The following EPHA5 variants were observed in gnomAD, a reference collection of about 807,000 sequenced individuals.
The protein encoded by EPHA5 is EPH receptor A5.
A neutral mutation model predicts 105.0 loss-of-function variants in EPHA5; 60 were observed. The ratio of observed to expected loss-of-function variants is 0.57; its 90% CI spans 0.46 to 0.71. The LOEUF (loss-of-function observed/expected upper bound fraction) is 0.71. Ranked by LOEUF, EPHA5 falls within the 30% of genes least tolerant of loss-of-function variation. EPHA5 has a pLI of 0.00. For synonymous variants in EPHA5, 513 were observed against 449.1 expected (o/e 1.14, Z -1.80); for missense variants, 1,218 against 1,274.7 (o/e 0.96, Z 0.68).
chr4:65,420,379 T>C (rs1193620633), intron 6 of EPHA5, 62 bp downstream of exon 6: 21 of 1,464,404 alleles, frequency 1.4e-5, no homozygotes, highest in East Asian at 9.4e-5. Context: ...AGTTGGATAA[T>C]TGTAGTTGCT....
At chr4:65,378,252 G>A (rs57078453) in intron 8 of EPHA5, among the ~76,000 whole-genome samples, 2,386 of 151,866 alleles carry the variant, frequency 0.016, 63 homozygotes, top group African/African-American at 0.055. Context: ...AAATTGCTAC[G>A]TAACATTTAT....
chr4:65,605,795 T>C (rs77229009), intron 2 of EPHA5, among the ~76,000 whole-genome samples: 3,312 of 152,210 alleles, frequency 0.022, 132 homozygotes, highest in African/African-American at 0.076. Context: ...CCAGCTCTTA[T>C]AATATCTAGA....
chr4:65,411,680 T>C (rs539674822), intron 7 of EPHA5, among the ~76,000 whole-genome samples: 10 of 152,220 alleles, frequency 6.6e-5, no homozygotes, highest in Admixed American at 6.5e-5. Flanking sequence ...AATTAAAATA[T>C]GGTATGAAGT....
At chr4:65,615,349 C>T (rs989765008) in intron 2 of EPHA5, among the ~76,000 whole-genome samples, 2 of 151,724 alleles carry the variant, frequency 1.3e-5, no homozygotes, top group African/African-American at 4.8e-5. Context: ...TGCCTAGATA[C>T]TTGAACATGA....
intron 13 of EPHA5, 66 bp from the exon 14 acceptor site, chr4:65,348,269 T>G (rs1360766625): frequency 7.0e-7 from 1 of 1,433,438 alleles, no homozygotes; most frequent in East Asian, 2.3e-5. Flanking sequence ...CAGTGTTGCC[T>G]CACTGAAAAG....
intron 8 of EPHA5, among the ~76,000 whole-genome samples, chr4:65,401,904 TGAGAGAGAGAGAGAGA>T (rs34334792): frequency 2.0e-5 from 3 of 148,566 alleles, no homozygotes; most frequent in African/African-American, 5.0e-5. Context: ...TGTGTGTGTG[TGAGAGAGAGAGAGAGA>T]GAGAGAGAGA....
intron 8 of EPHA5, among the ~76,000 whole-genome samples, chr4:65,383,614 A>T (rs1719792188): frequency 6.6e-6 from 1 of 151,900 alleles, no homozygotes; most frequent in South Asian, 2.1e-4. Context: ...GATGGATTTT[A>T]TTGAGCTCAC....
chr4:65,389,879 GT>G (rs1201318690), intron 8 of EPHA5, among the ~76,000 whole-genome samples: 1 of 151,894 alleles, frequency 6.6e-6, no homozygotes, highest in African/African-American at 2.4e-5. Context: ...GGAAACAGAG[GT>G]TTTCCCCAAT....
intron 3 of EPHA5, among the ~76,000 whole-genome samples, chr4:65,585,901 GA>G (rs536354236): frequency 1.3e-5 from 2 of 151,244 alleles, no homozygotes; most frequent in Non-Finnish European, 3.0e-5. Flanking sequence ...TATAAAACTG[GA>G]AAAAAATGCC....
chr4:65,351,206 A>C (rs563749560), intron 13 of EPHA5, among the ~76,000 whole-genome samples, 183 bp downstream of exon 13: 5 of 152,158 alleles, frequency 3.3e-5, no homozygotes, highest in Admixed American at 6.6e-5. Flanking sequence ...TTAATATTTA[A>C]ATTTGCTGAT....
intron 2 of EPHA5, among the ~76,000 whole-genome samples, chr4:65,631,771 C>T (rs114005084): frequency 0.044 from 6,699 of 151,458 alleles, 486 homozygotes; most frequent in African/African-American, 0.15. Context: ...ATTAATAAGA[C>T]TATATTATGG....
intron 3 of EPHA5, among the ~76,000 whole-genome samples, chr4:65,559,122 C>G (rs1407662495): frequency 1.3e-5 from 2 of 151,984 alleles, no homozygotes; most frequent in Admixed American, 1.3e-4. Flanking sequence ...TTTATTTTCT[C>G]TCTTTTTAAA....
chr4:65,588,140 C>T (rs538655963), intron 3 of EPHA5, among the ~76,000 whole-genome samples: 1 of 152,208 alleles, frequency 6.6e-6, no homozygotes, highest in East Asian at 1.9e-4. Flanking sequence ...CAGTGGCTTG[C>T]AGGATGTTGT....
chr4:65,545,592 T>C (rs1737296737), intron 3 of EPHA5, among the ~76,000 whole-genome samples: 1 of 151,712 alleles, frequency 6.6e-6, no homozygotes, highest in African/African-American at 2.4e-5. Context: ...AGGACACAGA[T>C]GAAATAGAAA....
At chr4:65,611,775 C>T (rs555294202) in intron 2 of EPHA5, among the ~76,000 whole-genome samples, 1 of 143,308 alleles carries the variant, frequency 7.0e-6, no homozygotes, top group East Asian at 2.0e-4. Context: ...AAATTTCCAT[C>T]GCATTTTTTT....
At chr4:65,510,976 A>C (rs189476232) in intron 3 of EPHA5, among the ~76,000 whole-genome samples, 1 of 152,268 alleles carries the variant, frequency 6.6e-6, no homozygotes, top group Non-Finnish European at 1.5e-5. Flanking sequence ...GCCCTCAATC[A>C]ATCAATCAAT....
chr4:65,660,883 G>T (rs562084943), intron 1 of EPHA5, among the ~76,000 whole-genome samples: 229 of 152,118 alleles, frequency 1.5e-3, no homozygotes, highest in Non-Finnish European at 2.1e-3. Flanking sequence ...TTTCTACTCC[G>T]TTTCTTAATG....
In EPHA5 at chr4:65,660,245, T is replaced by C. The variant is rs149574668; in HGVS notation, c.181+9317A>G. On this transcript the variant is annotated intron_variant, in intron 1 of 16. Transcript: ENST00000613740. ...GGTAAAATACAACATTTACAACCCA[T>C]GACCTTGTACTGATGGTTTCCATTT... is the stretch of plus-strand genomic sequence containing the variant. Among the ~76,000 whole-genome samples the C allele has an allele frequency of 5.9e-3, 897 of 152,258 alleles. 10 individuals are homozygous for C. The highest frequency in any genetic ancestry group is 0.021 in the African/African-American group (871 of 41,564).
intron 3 of EPHA5, among the ~76,000 whole-genome samples, chr4:65,519,510 G>A (rs1734459001): frequency 6.6e-6 from 1 of 152,040 alleles, no homozygotes; most frequent in East Asian, 1.9e-4. Context: ...TCAACATAGT[G>A]TTGGAAGTTC....
Sources: gnomAD v4.1 joint callset for allele counts (sites outside exome capture counted in the v4.1 genomes callset) on GRCh38, gnomAD v4.1.1 for gene constraint, MANE v1.5 for transcripts, NCBI Gene and HGNC (gene_info 2026-07-23, HGNC 2026-07-21) for gene names.